ARPP21: variants seen among roughly 807,000 people sequenced by gnomAD.
The protein encoded by ARPP21 is cAMP-regulated phosphoprotein 21.
In ARPP21, 69 loss-of-function variants were observed where a neutral mutation model predicts 113.2. The ratio of observed to expected loss-of-function variants is 0.61; its 90% confidence interval spans 0.50 to 0.74. ARPP21 has a LOEUF of 0.74. Ranked by LOEUF, ARPP21 falls within the 30% of genes least tolerant of loss-of-function variation. The probability of loss-of-function intolerance (pLI) is 0.00; values close to 1 mark genes in which losing one functional copy is unlikely to be tolerated. For synonymous variants in ARPP21, 368 were observed against 375.5 expected, an observed-to-expected ratio of 0.98 and a Z score of 0.23; for missense variants, 1,070 against 1,037.4, an observed-to-expected ratio of 1.03 and a Z score of -0.43.
At chr3:35,661,733 A>G (rs6788233) in intron 1 of ARPP21, among the ~76,000 whole-genome samples, 113,145 of 152,046 alleles carry the variant, frequency 0.74, 42,617 homozygotes, top group African/African-American at 0.86. Context: ...TGGAGAGAGA[A>G]TGAGGCACAG....
intron 5 of ARPP21, 105 bp from the exon 6 acceptor site, chr3:35,687,634 G>C: frequency 9.8e-7 from 1 of 1,015,820 alleles, no homozygotes; most frequent in Non-Finnish European, 1.4e-6. Flanking sequence ...AAAAAAATCT[G>C]CACCTGGTTT....
intron 1 of ARPP21, among the ~76,000 whole-genome samples, chr3:35,674,950 A>G (rs2077122704): frequency 6.6e-6 from 1 of 151,740 alleles, no homozygotes; most frequent in Non-Finnish European, 1.5e-5. Context: ...CTTGCCCTAT[A>G]TTTCTAATAG....
At position 35,737,198 on chromosome 3, in the gene ARPP21, G is replaced by T. The variant is rs772998292; in HGVS notation, c.1480G>T (p.Asp494Tyr). Residue 494 changes from aspartate (D) to tyrosine (Y), a missense_variant, in exon 16 of 21, where the codon GAT becomes TAT. Coordinates refer to ENST00000684406, the MANE Select transcript of ARPP21 (RefSeq NM_001385562.1). ...TGCAGGCCAGCCCTTTGTGAATCCC[G>T]ATGGAACTCCTGCAATATACAACCC... ...PHTGQPFVNP[D>Y]GTPAIYNPPT... 50 of 1,608,624 alleles carry T rather than the reference G, an allele frequency of 3.1e-5. No individual in the cohort carries two copies. The highest frequency in any genetic ancestry group is 1.2e-4 in the Admixed American group (7 of 59,596).
intron 1 of ARPP21, among the ~76,000 whole-genome samples, chr3:35,652,207 T>C (rs563423583): frequency 1.3e-5 from 2 of 152,242 alleles, no homozygotes; most frequent in African/African-American, 4.8e-5. Context: ...GTCTCCTAGA[T>C]TTGTCTAGTA....
chr3:35,792,133 A>C lies in ARPP21; in HGVS notation c.2138-249A>C, dbSNP rs117519429. 2.1e-4 allele frequency: 77 copies of C among 369,240 alleles called. 1 individual carries two copies. The East Asian group carries it at 3.4e-3, about 16-fold the overall frequency. 22.9% of individuals were successfully genotyped at this position (369,240 alleles called of 1,614,324 possible). Reference sequence around the variant, plus strand: ...GTGCCATGAATAATTTATCATTGTCACATGTATTCAATAGACCATTCTGCA... The same window carrying C: ...GTGCCATGAATAATTTATCATTGTCCCATGTATTCAATAGACCATTCTGCA... On this transcript the variant is annotated intron_variant, in intron 19 of 20. Transcript: ENST00000684406.
chr3:35,753,961 GAA>G (rs2095487809), intron 19 of ARPP21, among the ~76,000 whole-genome samples: 1 of 138,016 alleles, frequency 7.2e-6, no homozygotes. Flanking sequence ...ATGTAATTGA[GAA>G]GGTTTTTTTT....
rs1205486064 is a variant in ARPP21 at position 35,674,503 on chromosome 3, T to TA, written c.-212-5282dup. ...TTTCAGCACCAATATGGATTGTAAT[T>TA]AATTGTTCCACATTAAAAAATTATG... is the stretch of plus-strand genomic sequence containing the variant. On this transcript the variant is annotated intron_variant, in intron 1 of 20. Coordinates refer to ENST00000684406, the MANE Select transcript of ARPP21 (RefSeq NM_001385562.1). Among the ~76,000 whole-genome samples, 3 of 151,972 alleles carry TA rather than the reference T, an allele frequency of 2.0e-5. No homozygotes were observed. In the East Asian group the frequency reaches 5.9e-4, roughly 30 times the overall value.
intron 4 of ARPP21, 66 bp downstream of exon 4, chr3:35,682,955 G>C: frequency 7.0e-7 from 1 of 1,429,008 alleles, no homozygotes; most frequent in Non-Finnish European, 9.6e-7. Flanking sequence ...TTACATCAGA[G>C]TTAAAGGATT....
chr3:35,665,336 T>A (rs778451031), intron 1 of ARPP21, among the ~76,000 whole-genome samples: 4 of 152,144 alleles, frequency 2.6e-5, no homozygotes, highest in Non-Finnish European at 4.4e-5. Context: ...AAGCTTTTTT[T>A]AATATGATAA....
chr3:35,658,070 T>C (rs1401956001), intron 1 of ARPP21, among the ~76,000 whole-genome samples: 2 of 152,150 alleles, frequency 1.3e-5, no homozygotes, highest in African/African-American at 4.8e-5. Flanking sequence ...TCTCTTGTGA[T>C]AAAAGATACA....
chr3:35,660,554 A>G (rs181190838), intron 1 of ARPP21, among the ~76,000 whole-genome samples: 1 of 152,296 alleles, frequency 6.6e-6, no homozygotes, highest in African/African-American at 2.4e-5. Flanking sequence ...AAGGTCTGGA[A>G]AAGGAGAGCA....
chr3:35,759,437 T>A (rs1314673530), intron 19 of ARPP21, among the ~76,000 whole-genome samples: 1 of 152,130 alleles, frequency 6.6e-6, no homozygotes, highest in African/African-American at 2.4e-5. Context: ...GCTGAGCTTA[T>A]CAGCTATTGA....
At chr3:35,711,380 G>A (rs1037207156) in intron 11 of ARPP21, among the ~76,000 whole-genome samples, 46 of 152,102 alleles carry the variant, frequency 3.0e-4, no homozygotes, top group African/African-American at 8.9e-4. Flanking sequence ...TTCCATAACC[G>A]TTAAAAGGCT....
At chr3:35,714,773 A>G (rs1020826153) in intron 11 of ARPP21, among the ~76,000 whole-genome samples, 1 of 152,160 alleles carries the variant, frequency 6.6e-6, no homozygotes, top group African/African-American at 2.4e-5. Flanking sequence ...CGGTGAATAG[A>G]AGCTAAGAAG....
At chr3:35,657,457 G>A (rs947336395) in intron 1 of ARPP21, among the ~76,000 whole-genome samples, 1 of 152,118 alleles carries the variant, frequency 6.6e-6, no homozygotes, top group Non-Finnish European at 1.5e-5. Flanking sequence ...AAATGCATAT[G>A]TTTCTCTCAG....
rs1389278260 is a variant in ARPP21, at chr3:35,771,332, TG to T, written c.2138-21049del. Among the ~76,000 whole-genome samples the T allele has an allele frequency of 2.6e-5, 4 of 151,748 alleles. No individual in the cohort carries two copies. The East Asian group carries it at 7.8e-4, about 29-fold the overall frequency. On this transcript the variant is annotated intron_variant, in intron 19 of 20. Coordinates refer to ENST00000684406, the MANE Select transcript of ARPP21 (RefSeq NM_001385562.1). ...TCACATAACATCAGAAGGTAATGAT[TG>T]TTTTTTTTTTTTTAAGATGCAGTCT... is the stretch of plus-strand genomic sequence containing the variant.
chr3:35,722,622 G>GT (rs2093200098), intron 14 of ARPP21, among the ~76,000 whole-genome samples: 1 of 152,128 alleles, frequency 6.6e-6, no homozygotes, highest in Admixed American at 6.5e-5. Context: ...GTGCTTGTAT[G>GT]TTTTTTTCCA....
intron 1 of ARPP21, chr3:35,643,649 ATGAT>A (rs1454178695): frequency 6.6e-6 from 1 of 152,076 alleles, no homozygotes; most frequent in Non-Finnish European, 1.5e-5. Flanking sequence ...AGAAGTGAAT[ATGAT>A]TGAGAATTCT....
intron 1 of ARPP21, among the ~76,000 whole-genome samples, chr3:35,664,719 G>A (rs1185044407): frequency 1.3e-5 from 2 of 152,184 alleles, no homozygotes; most frequent in Non-Finnish European, 2.9e-5. Flanking sequence ...TCTTTGAGGT[G>A]GGGGCTCAGC....
Sources: gnomAD v4.1 joint callset for allele counts (sites outside exome capture counted in the v4.1 genomes callset) on GRCh38, gnomAD v4.1.1 for gene constraint, MANE v1.5 for transcripts, NCBI Gene and HGNC (gene_info 2026-07-23, HGNC 2026-07-21) for gene names.